Variants in SCARB1 observed in about 807,000 individuals in gnomAD.
SCARB1 encodes CD36 and LIMPII analogous 1.
In SCARB1, 30 loss-of-function variants were observed where a neutral mutation model predicts 57.2. The observed-to-expected ratio is 0.52, with a 90% CI of 0.39 to 0.71. The LOEUF is 0.71. Among genes scored for constraint, SCARB1 ranks in the 30% least tolerant of loss-of-function variants. The pLI is 0.00. For missense variants in SCARB1, 543 were observed against 671.2 expected (o/e 0.81, Z 2.11); for synonymous variants, 249 against 268.3 (o/e 0.93, Z 0.70).
At position 124,800,127 on chromosome 12, in the gene SCARB1, G is replaced by C. The variant is rs748381459; in HGVS notation, c.1125C>G (p.His375Gln). Reference sequence around the variant, plus strand: ...ACAGAGGATGGCAGGGGCTCACCGGGTGGATGTCCAGGAACAAGGAGTGTG... The same window carrying C: ...ACAGAGGATGGCAGGGGCTCACCGGCTGGATGTCCAGGAACAAGGAGTGTG... ...QEAHSLFLDI[H>Q]PVTGIPMNCS... Residue 375 changes from histidine to glutamine, a missense_variant, in exon 8 of 13, where the codon CAC becomes CAG. By Grantham distance (24) the His-to-Gln change is conservative. Coordinates refer to ENST00000261693, the MANE Select transcript of SCARB1 (RefSeq NM_005505.5). This position sits in a 1 kb window ranked among gnomAD's most constrained non-coding sequence, Gnocchi z 4.8. 9 of 1,611,140 alleles carry C rather than the reference G, an allele frequency of 5.6e-6. No homozygotes were observed. The highest frequency in any genetic ancestry group is 7.6e-6 in the Non-Finnish European group (9 of 1,177,370).
At chr12:124,862,727 C>T (rs1005122452) in intron 1 of SCARB1, among the ~76,000 whole-genome samples, 3 of 151,288 alleles carry the variant, frequency 2.0e-5, no homozygotes, top group Non-Finnish European at 2.9e-5. Flanking sequence ...GCTTTTAGTT[C>T]AAATGTGATA....
At chr12:124,792,407 C>T (rs1949765242) in intron 9 of SCARB1, among the ~76,000 whole-genome samples, 1 of 152,038 alleles carries the variant, frequency 6.6e-6, no homozygotes, top group Admixed American at 6.5e-5. Context: ...CTGGCAGGCA[C>T]AATCCAGCTG....
In SCARB1 at chr12:124,807,775, C is replaced by T; in HGVS notation, c.995G>A (p.Ser332Asn). ...PCLESGIQNV[S>N]TCRFSAPLFL... ...ACGGCACGTACTGAACCTGCAGGTG[C>T]TGACGTTCTGAATTCCAGACTCCAG... The change falls in exon 7 of 13, where the codon AGC (serine) becomes AAC (asparagine). Residue 332 changes from serine to asparagine, a missense_variant. Physicochemically the swap from Ser to Asn is conservative, Grantham distance 46 (BLOSUM62 1). Transcript: ENST00000261693. This position sits in a 1 kb window ranked among gnomAD's most constrained non-coding sequence, Gnocchi z 5.3. The T allele has an allele frequency of 1.2e-6, 2 of 1,614,174 alleles. No homozygotes were observed. The highest frequency in any genetic ancestry group is 1.7e-6 in the Non-Finnish European group (2 of 1,180,030).
intron 1 of SCARB1, among the ~76,000 whole-genome samples, chr12:124,832,687 C>A (rs1049680368): frequency 1.3e-5 from 2 of 152,120 alleles, no homozygotes; most frequent in Admixed American, 6.5e-5. Context: ...ACATTAAGGT[C>A]TTTTTGTAAA....
chr12:124,786,539 C>T, intron 10 of SCARB1, 36 bp from the exon 11 acceptor site: 1 of 1,612,340 alleles, frequency 6.2e-7, no homozygotes, highest in Non-Finnish European at 8.5e-7. Flanking sequence ...TGAGCTGGGG[C>T]CGCAGGCTGC....
rs1361579479 is a variant in SCARB1 at position 124,817,409 on chromosome 12, C to T, written c.284+141G>A. Reference sequence around the variant, plus strand: ...AAAACAAAAACTTCTCTGGGACTAGCACTTACCCCGACTATGACTTGCCTG... The same window carrying T: ...AAAACAAAAACTTCTCTGGGACTAGTACTTACCCCGACTATGACTTGCCTG... On this transcript the variant is annotated intron_variant, in intron 2 of 12. Coordinates refer to ENST00000261693, the MANE Select transcript of SCARB1 (RefSeq NM_005505.5). This position sits in a 1 kb window ranked among gnomAD's most constrained non-coding sequence, Gnocchi z 4.8. 4 of 691,684 alleles carry T rather than the reference C, an allele frequency of 5.8e-6. No individual in the cohort carries two copies. Among genetic ancestry groups the T allele is most frequent in the Non-Finnish European group, 9.8e-6 (4 of 407,886 alleles). The allele number at this position is 691,684 out of a possible 1,614,324, so 42.8% of individuals were successfully genotyped here. A position where few individuals can be genotyped will look rare whatever the true frequency, so the allele number is the denominator to read the frequency against.
At position 124,817,790 on chromosome 12, in the gene SCARB1, G is replaced by C; in HGVS notation, c.127-83C>G. 6.7e-7 allele frequency: 1 copy of C among 1,495,474 alleles called. No individual in the cohort carries two copies. Among genetic ancestry groups the C allele is most frequent in the Non-Finnish European group, 9.3e-7 (1 of 1,073,070 alleles). 92.6% of individuals were successfully genotyped at this position (1,495,474 alleles called of 1,614,324 possible). A position where few individuals can be genotyped will look rare whatever the true frequency, so the allele number is the denominator to read the frequency against. On this transcript the variant is annotated intron_variant, in intron 1 of 12. Transcript: ENST00000261693. This position sits in a 1 kb window ranked among gnomAD's most constrained non-coding sequence, Gnocchi z 4.8. ...CCACAAGGCTCCGGAACAGCTGCCC[G>C]AGCCCGGCCAGGGAAGGGGCTCCTC...
At position 124,832,909 on chromosome 12, in the gene SCARB1, C is replaced by CG. The variant is rs34829203; in HGVS notation, c.127-15203dup. 8.5e-5 allele frequency among the ~76,000 whole-genome samples: 13 copies of CG among 152,102 alleles called. No individual in the cohort carries two copies. The South Asian group carries it at 2.5e-3, about 29-fold the overall frequency. ...TACAAAGTTATTATCTTACAGTTCT[C>CG]GGGGGGAGAAGTCCAAACTGGGACT... On this transcript the variant is annotated intron_variant, in intron 1 of 12. Coordinates refer to ENST00000261693, the MANE Select transcript of SCARB1 (RefSeq NM_005505.5).
chr12:124,786,631 A>G (rs1249369009), intron 10 of SCARB1, 128 bp from the exon 11 acceptor site: 7 of 1,526,480 alleles, frequency 4.6e-6, no homozygotes, highest in Non-Finnish European at 5.3e-6. Flanking sequence ...CGGCTAAAGC[A>G]TGTGTTGGAG....
At chr12:124,788,384 TCTG>T (rs1325356543) in intron 9 of SCARB1, among the ~76,000 whole-genome samples, 1 of 152,192 alleles carries the variant, frequency 6.6e-6, no homozygotes, top group Non-Finnish European at 1.5e-5. Flanking sequence ...CAAGTGAGGC[TCTG>T]TGACCAAGTT....
rs571739875 is a variant in SCARB1 at position 124,849,641 on chromosome 12, G to A, written c.126+13954C>T. 7.2e-5 allele frequency among the ~76,000 whole-genome samples: 11 copies of A among 152,276 alleles called. No homozygotes were observed. In the East Asian group the frequency reaches 1.7e-3, roughly 24 times the overall value. ...CCAGCACTGGCTGCTAACTATCTCC[G>A]TGGCCTTGAGTAAACCTCTGCTACC... is the stretch of plus-strand genomic sequence containing the variant. On this transcript the variant is annotated intron_variant, in intron 1 of 12. Coordinates refer to ENST00000261693, the MANE Select transcript of SCARB1 (RefSeq NM_005505.5).
chr12:124,804,240 G>A (rs1368852994), intron 7 of SCARB1, among the ~76,000 whole-genome samples: 1 of 152,220 alleles, frequency 6.6e-6, no homozygotes, highest in Non-Finnish European at 1.5e-5. Flanking sequence ...AACTTCTGCT[G>A]GAGTGAAGGA....
chr12:124,852,447 C>T (rs56007245), intron 1 of SCARB1, among the ~76,000 whole-genome samples: 4,402 of 152,276 alleles, frequency 0.029, 96 homozygotes, highest in East Asian at 0.11. Context: ...AGAAACACGC[C>T]CGGCAGGGTT....
chr12:124,805,745 TTTTTG>T (rs1448722363), intron 7 of SCARB1, among the ~76,000 whole-genome samples: 14 of 136,210 alleles, frequency 1.0e-4, no homozygotes, highest in East Asian at 5.3e-4. Context: ...TTTTTTTTTT[TTTTTG>T]GCCAGAGAGA....
At chr12:124,784,408 C>T (rs1038447907) in intron 11 of SCARB1, 2 of 152,268 alleles carry the variant, frequency 1.3e-5, no homozygotes, top group African/African-American at 4.8e-5. Flanking sequence ...AGAGCAGCAA[C>T]ATGATGACAG....
rs200113775 is a variant in SCARB1 at position 124,815,162 on chromosome 12, C to T, written c.285-48G>A. The T allele has an allele frequency of 3.4e-4, 544 of 1,604,148 alleles. 2 individuals carry two copies. In the African/African-American group the frequency reaches 6.4e-3, roughly 19 times the overall value. On this transcript the variant is annotated intron_variant, in intron 2 of 12. Coordinates refer to ENST00000261693, the MANE Select transcript of SCARB1 (RefSeq NM_005505.5). ...AGACGCCCCGCCCCGCTGCATGGGACGTTTCCCTTCTACTCGCCTGCAATG... is the reference window on the plus strand; with the variant it reads ...AGACGCCCCGCCCCGCTGCATGGGATGTTTCCCTTCTACTCGCCTGCAATG...
intron 9 of SCARB1, among the ~76,000 whole-genome samples, chr12:124,790,707 C>A (rs1949694593): frequency 1.3e-5 from 2 of 152,338 alleles, no homozygotes; most frequent in Middle Eastern, 3.4e-3. Flanking sequence ...CACACAGACC[C>A]CCCCACAACA....
intron 1 of SCARB1, among the ~76,000 whole-genome samples, chr12:124,834,057 T>G (rs1170136797): frequency 2.0e-5 from 3 of 151,544 alleles, no homozygotes; most frequent in Non-Finnish European, 2.9e-5. Context: ...GACACGAGGG[T>G]GTCCAGAAAC....
intron 7 of SCARB1, among the ~76,000 whole-genome samples, chr12:124,802,181 T>C (rs577521440): frequency 6.9e-6 from 1 of 145,864 alleles, no homozygotes; most frequent in African/African-American, 2.5e-5. Flanking sequence ...AGTTAAAAAA[T>C]ACCGTGGAAA....
Sources: gnomAD v4.1 joint callset for allele counts (sites outside exome capture counted in the v4.1 genomes callset) on GRCh38, gnomAD v4.1.1 for gene constraint, Gnocchi (gnomAD v3.1) non-coding constraint, MANE v1.5 for transcripts, NCBI Gene and HGNC (gene_info 2026-07-23, HGNC 2026-07-21) for gene names.